The following ANKFN1 variants were observed in gnomAD, a reference collection of about 807,000 sequenced individuals.
ANKFN1 encodes the protein ankyrin repeat and fibronectin type-III domain-containing protein 1.
In ANKFN1, 74 loss-of-function variants were observed where a neutral mutation model predicts 108.7. The observed-to-expected ratio is 0.68, with a 90% confidence interval of 0.56 to 0.83. ANKFN1 has a LOEUF of 0.83. Ranked by LOEUF, ANKFN1 falls within the 40% of genes least tolerant of loss-of-function variation. The pLI, the probability that ANKFN1 is intolerant of heterozygous loss-of-function variation, is 0.00. For missense variants in ANKFN1, 1,505 were observed against 1,382.3 expected, an observed-to-expected ratio of 1.09 and a Z score of -1.41; for synonymous variants, 547 against 516.2, an observed-to-expected ratio of 1.06 and a Z score of -0.81.
chr17:56,244,182 A>G (rs935027094), intron 3 of ANKFN1, among the ~76,000 whole-genome samples: 1 of 152,164 alleles, frequency 6.6e-6, no homozygotes, highest in African/African-American at 2.4e-5. Context: ...GTAAACTTCA[A>G]TACATTAATT....
intron 2 of ANKFN1, among the ~76,000 whole-genome samples, chr17:56,214,616 C>T (rs1915288524): frequency 6.6e-6 from 1 of 152,192 alleles, no homozygotes; most frequent in Non-Finnish European, 1.5e-5. Context: ...TCTTCAACTG[C>T]AGGTCCCACT....
chr17:56,055,056 CTT>C (rs753314197), intron 4 of ANKFN1, among the ~76,000 whole-genome samples: 1 of 143,942 alleles, frequency 6.9e-6, no homozygotes, highest in Admixed American at 6.9e-5. Context: ...TGGCAATTTC[CTT>C]TTTTTTTTTT....
At chr17:56,158,657 A>G (rs997411073) in intron 1 of ANKFN1, among the ~76,000 whole-genome samples, 4 of 152,184 alleles carry the variant, frequency 2.6e-5, no homozygotes, top group Non-Finnish European at 5.9e-5. Context: ...ACAACACAGC[A>G]TGTGGGGAGG....
chr17:56,281,733 T>G (rs2044089228), intron 3 of ANKFN1, among the ~76,000 whole-genome samples: 1 of 152,144 alleles, frequency 6.6e-6, no homozygotes, highest in South Asian at 2.1e-4. Context: ...TAGCAGCACA[T>G]TTTTTAAGTG....
chr17:56,192,174 G>C (rs1913002540), intron 1 of ANKFN1, among the ~76,000 whole-genome samples: 1 of 150,902 alleles, frequency 6.6e-6, no homozygotes, highest in South Asian at 2.1e-4. Context: ...TTAATAAATG[G>C]TGCTGGGAAA....
At chr17:56,208,581 C>T (rs1056349131) in intron 1 of ANKFN1, among the ~76,000 whole-genome samples, 7 of 152,186 alleles carry the variant, frequency 4.6e-5, no homozygotes, top group African/African-American at 1.7e-4. Context: ...TACCTGCATG[C>T]AGTTCCTCAT....
intron 14 of ANKFN1, among the ~76,000 whole-genome samples, chr17:56,458,502 C>T (rs116268542): frequency 0.017 from 2,595 of 151,946 alleles, 61 homozygotes; most frequent in African/African-American, 0.058. Flanking sequence ...TAGAGAACAA[C>T]GCTTAAAAGA....
rs147547414 is a variant in ANKFN1 at position 56,396,443 on chromosome 17, G to A, written c.910+21729G>A. The stretch of plus-strand genomic sequence containing the variant: ...ATCCTGAGCAACAGAGCTAGACTTC[G>A]TCTGCAAAAAAAAAGAACATCGAAC... On this transcript the variant is annotated intron_variant, in intron 8 of 20. Transcript: ENST00000682825. 2.1e-3 allele frequency among the ~76,000 whole-genome samples: 323 copies of A among 151,536 alleles called. 1 individual carries two copies. Among genetic ancestry groups the A allele is most frequent in the African/African-American group, 7.4e-3 (305 of 41,362 alleles).
chr17:56,479,680 G>T (rs1345142159), intron 16 of ANKFN1, among the ~76,000 whole-genome samples: 1 of 152,250 alleles, frequency 6.6e-6, no homozygotes, highest in South Asian at 2.1e-4. Context: ...CTGACCCACA[G>T]ATTGGAGCCC....
intron 9 of ANKFN1, among the ~76,000 whole-genome samples, chr17:56,441,903 C>T (rs927465347): frequency 6.9e-6 from 1 of 145,718 alleles, no homozygotes; most frequent in African/African-American, 2.5e-5. Flanking sequence ...CAAAGATGTG[C>T]TTTTTTTTTT....
chr17:56,246,004 A>C (rs925883521), intron 3 of ANKFN1, among the ~76,000 whole-genome samples: 1 of 152,186 alleles, frequency 6.6e-6, no homozygotes, highest in Non-Finnish European at 1.5e-5. Context: ...TGCCTATCAG[A>C]AGATAGCATC....
At chr17:56,166,963 T>C (rs1194717636) in intron 1 of ANKFN1, among the ~76,000 whole-genome samples, 1 of 152,094 alleles carries the variant, frequency 6.6e-6, no homozygotes, top group Non-Finnish European at 1.5e-5. Flanking sequence ...TTGAATCTCT[T>C]TAATTATTGG....
rs1915631760 is a variant in ANKFN1, at chr17:56,218,836, T to C, written c.12+6157T>C. On this transcript the variant is annotated intron_variant, in intron 2 of 20. Transcript: ENST00000682825. ...CTGCCATAAAAAGATTTCTTGATCTTTGATCCAATGTTTCCCAAACTTACT... is the reference window on the plus strand; with the variant it reads ...CTGCCATAAAAAGATTTCTTGATCTCTGATCCAATGTTTCCCAAACTTACT... 3.3e-5 allele frequency among the ~76,000 whole-genome samples: 5 copies of C among 152,254 alleles called. No homozygotes were observed. In the South Asian group the frequency reaches 1.0e-3, roughly 32 times the overall value.
intron 1 of ANKFN1, among the ~76,000 whole-genome samples, chr17:56,177,144 G>A (rs147306491): frequency 1.4e-3 from 211 of 152,270 alleles, no homozygotes; most frequent in Non-Finnish European, 2.1e-3. Flanking sequence ...AGCCTGACCG[G>A]CAGAGTGAAC....
At chr17:56,054,252 T>C (rs1285150475) in intron 4 of ANKFN1, among the ~76,000 whole-genome samples, 1 of 152,212 alleles carries the variant, frequency 6.6e-6, no homozygotes, top group Non-Finnish European at 1.5e-5. Flanking sequence ...ATTCATTATA[T>C]GAAAAGGACA....
At chr17:56,218,212 C>T (rs28572117) in intron 2 of ANKFN1, among the ~76,000 whole-genome samples, 3 of 142,118 alleles carry the variant, frequency 2.1e-5, no homozygotes, top group African/African-American at 7.9e-5. Flanking sequence ...TCTTCCCCAC[C>T]CTCCCTCCCT....
At chr17:56,176,239 G>A (rs954190613) in intron 1 of ANKFN1, among the ~76,000 whole-genome samples, 2 of 152,096 alleles carry the variant, frequency 1.3e-5, no homozygotes, top group Admixed American at 6.5e-5. Context: ...AATGGCAATC[G>A]CTTGGTTCAC....
At chr17:56,310,688 A>G (rs1035510105) in intron 3 of ANKFN1, among the ~76,000 whole-genome samples, 7 of 152,264 alleles carry the variant, frequency 4.6e-5, no homozygotes, top group Non-Finnish European at 4.4e-5. Flanking sequence ...GTTCTGATAT[A>G]TATTGTGAAA....
chr17:56,059,238 A>G (rs189276896), intron 4 of ANKFN1, among the ~76,000 whole-genome samples: 1 of 152,162 alleles, frequency 6.6e-6, no homozygotes, highest in Non-Finnish European at 1.5e-5. Context: ...GTCTTCTTTG[A>G]GAAGTCTCTG....
Sources: gnomAD v4.1 joint callset for allele counts (sites outside exome capture counted in the v4.1 genomes callset) on GRCh38, gnomAD v4.1.1 for gene constraint, MANE v1.5 for transcripts, NCBI Gene and HGNC (gene_info 2026-07-23, HGNC 2026-07-21) for gene names.